KDM4C: variants seen among roughly 807,000 people sequenced by gnomAD.
KDM4C encodes the protein lysine demethylase 4C, also known as lysine-specific demethylase 4C.
A neutral mutation model predicts 129.3 loss-of-function variants in KDM4C; 81 were observed. The observed-to-expected ratio is 0.63, with a 90% CI of 0.52 to 0.75. KDM4C has a LOEUF of 0.75. KDM4C is among the 30% of genes least tolerant of loss of function. The probability of loss-of-function intolerance (pLI) is 0.00; values close to 1 mark genes in which losing one functional copy is unlikely to be tolerated. For missense variants in KDM4C, 1,457 were observed against 1,304.0 expected, an observed-to-expected ratio of 1.12 and a Z score of -1.81; for synonymous variants, 573 against 456.1, an observed-to-expected ratio of 1.26 and a Z score of -3.26.
chr9:7,121,492 T>C (rs1839482127), intron 18 of KDM4C, among the ~76,000 whole-genome samples: 1 of 152,176 alleles, frequency 6.6e-6, no homozygotes, highest in South Asian at 2.1e-4. Context: ...CTAGGCCAGA[T>C]TCAAAGGGTG....
chr9:7,092,561 G>A (rs572524168), intron 17 of KDM4C, among the ~76,000 whole-genome samples: 1 of 152,266 alleles, frequency 6.6e-6, no homozygotes, highest in Admixed American at 6.5e-5. Context: ...AGTTGAAGCA[G>A]TAAAATATAT....
intron 12 of KDM4C, among the ~76,000 whole-genome samples, chr9:6,991,230 C>T (rs1285007925): frequency 6.6e-6 from 1 of 151,948 alleles, no homozygotes; most frequent in Non-Finnish European, 1.5e-5. Context: ...AAGCATGCAC[C>T]ATCATGCTTG....
chr9:7,105,174 T>A lies in KDM4C; in HGVS notation c.2610+1304T>A, dbSNP rs7862305. Among the ~76,000 whole-genome samples the A allele has an allele frequency of 4.6e-3, 698 of 152,346 alleles. 4 individuals carry two copies. The highest frequency in any genetic ancestry group is 0.016 in the African/African-American group (653 of 41,578). ...GTAATAACACCTTACATGACTGTGG[T>A]GCCTTGCCCTTAACAGTGTGCAGTC... is the stretch of plus-strand genomic sequence containing the variant. On this transcript the variant is annotated intron_variant, in intron 18 of 21. Coordinates refer to ENST00000381309, the MANE Select transcript of KDM4C (RefSeq NM_015061.6).
At chr9:6,820,536 A>C (rs1345226872) in intron 4 of KDM4C, among the ~76,000 whole-genome samples, 1 of 152,128 alleles carries the variant, frequency 6.6e-6, no homozygotes, top group Non-Finnish European at 1.5e-5. Context: ...TCTTAGCCCC[A>C]GGCAAATCTT....
At chr9:6,855,494 A>G (rs1014110068) in intron 5 of KDM4C, among the ~76,000 whole-genome samples, 14 of 150,090 alleles carry the variant, frequency 9.3e-5, no homozygotes, top group Non-Finnish European at 1.5e-5. Flanking sequence ...AAGGAACCCA[A>G]TTTAAGTATA....
At chr9:6,921,795 C>G (rs1267358345) in intron 8 of KDM4C, among the ~76,000 whole-genome samples, 2 of 152,106 alleles carry the variant, frequency 1.3e-5, no homozygotes, top group Admixed American at 6.5e-5. Flanking sequence ...ACCCCTACCC[C>G]CCATCTTTGA....
At chr9:6,875,303 G>T (rs1843381914) in intron 5 of KDM4C, among the ~76,000 whole-genome samples, 1 of 152,168 alleles carries the variant, frequency 6.6e-6, no homozygotes, top group South Asian at 2.1e-4. Flanking sequence ...GAGGCAGGAA[G>T]GTAGAAATAC....
intron 19 of KDM4C, among the ~76,000 whole-genome samples, chr9:7,143,874 C>T (rs1841987160): frequency 6.6e-6 from 1 of 152,134 alleles, no homozygotes; most frequent in African/African-American, 2.4e-5. Flanking sequence ...TCCCTGTCTG[C>T]ATAAGTCAGT....
At position 6,917,539 on chromosome 9, in the gene KDM4C, G is replaced by A. The variant is rs145884159; in HGVS notation, c.921+24307G>A. On this transcript the variant is annotated intron_variant, in intron 8 of 21. Coordinates refer to ENST00000381309, the MANE Select transcript of KDM4C (RefSeq NM_015061.6). ...TTCAACTTAGCTATTTCTCTTGCTTGTCCCTGTGTATCTGACCATGGCTGG... is the reference window on the plus strand; with the variant it reads ...TTCAACTTAGCTATTTCTCTTGCTTATCCCTGTGTATCTGACCATGGCTGG... 2.8e-3 allele frequency among the ~76,000 whole-genome samples: 431 copies of A among 152,212 alleles called. 1 individual carries two copies. Among genetic ancestry groups the A allele is most frequent in the African/African-American group, 9.9e-3 (410 of 41,516 alleles).
chr9:7,104,264 G>T (rs894619228), intron 18 of KDM4C: 13 of 188,714 alleles, frequency 6.9e-5, no homozygotes, highest in African/African-American at 3.0e-4. Flanking sequence ...ATTATGTAGT[G>T]AACAGTCTAT....
At chr9:7,019,584 T>G (rs879414152) in intron 15 of KDM4C, among the ~76,000 whole-genome samples, 12 of 151,306 alleles carry the variant, frequency 7.9e-5, no homozygotes, top group Admixed American at 5.3e-4. Context: ...CCTTTCATGG[T>G]AAGTGCTTTT....
intron 5 of KDM4C, among the ~76,000 whole-genome samples, chr9:6,852,807 T>G (rs1407613068): frequency 1.3e-5 from 2 of 152,204 alleles, no homozygotes; most frequent in South Asian, 2.1e-4. Flanking sequence ...CCCTCCTTAC[T>G]TACGGGCCCA....
chr9:6,956,548 T>C (rs995081944), intron 8 of KDM4C, among the ~76,000 whole-genome samples: 9 of 152,236 alleles, frequency 5.9e-5, no homozygotes, highest in African/African-American at 1.9e-4. Context: ...CCCCCCTGCC[T>C]GTATTTGTAA....
intron 17 of KDM4C, among the ~76,000 whole-genome samples, chr9:7,067,441 C>A (rs1832580200): frequency 6.6e-6 from 1 of 152,214 alleles, no homozygotes; most frequent in South Asian, 2.1e-4. Flanking sequence ...TCCTTGATTA[C>A]ATTCTATTTC....
At chr9:7,088,707 G>A (rs965585200) in intron 17 of KDM4C, among the ~76,000 whole-genome samples, 2 of 152,118 alleles carry the variant, frequency 1.3e-5, no homozygotes, top group African/African-American at 2.4e-5. Context: ...GCCATTTCCT[G>A]TGTCTCAACA....
At chr9:6,887,029 C>T (rs979575247) in intron 6 of KDM4C, among the ~76,000 whole-genome samples, 2 of 152,212 alleles carry the variant, frequency 1.3e-5, no homozygotes, top group African/African-American at 2.4e-5. Context: ...ACAGCATCTA[C>T]GCCTCATCCT....
intron 18 of KDM4C, among the ~76,000 whole-genome samples, chr9:7,110,964 T>C (rs1412614527): frequency 6.6e-6 from 1 of 152,224 alleles, no homozygotes; most frequent in African/African-American, 2.4e-5. Flanking sequence ...TGGAGAACTT[T>C]AGACTGCCTT....
At chr9:6,814,815 T>C (rs755513733) in intron 4 of KDM4C, 70 bp downstream of exon 4, 29 of 921,398 alleles carry the variant, frequency 3.1e-5, no homozygotes, top group Non-Finnish European at 4.8e-5. Flanking sequence ...ATTTAAGCAG[T>C]TTAGAAGTGT....
Position 6,805,748 on chromosome 9 carries a change from G to C in KDM4C, c.294G>C (p.Glu98Asp), listed in dbSNP as rs1321359601. Reference protein sequence around the residue: ...NIQKKAMTVKEFRQLANSGKY... With the variant: ...NIQKKAMTVKDFRQLANSGKY... ...AGAAAAAAGCGATGACTGTGAAGGAGTTCAGGCAGCTGGCCAACAGTGGCA... is the reference window on the plus strand; with the variant it reads ...AGAAAAAAGCGATGACTGTGAAGGACTTCAGGCAGCTGGCCAACAGTGGCA... Residue 98 changes from glutamate to aspartate, a missense_variant, in exon 3 of 22, where the codon GAG becomes GAC. By Grantham distance (45) the Glu-to-Asp change is conservative. Transcript: ENST00000381309. 6.2e-7 allele frequency: 1 copy of C among 1,612,374 alleles called. No individual in the cohort carries two copies. The highest frequency in any genetic ancestry group is 1.7e-5 in the Admixed American group (1 of 59,630).
Sources: allele counts gnomAD v4.1 joint callset (sites outside exome capture counted in the v4.1 genomes callset), GRCh38; gene constraint gnomAD v4.1.1; transcripts MANE v1.5; gene names NCBI Gene and HGNC (gene_info 2026-07-23, HGNC 2026-07-21).